Variants in CFAP299 observed in about 807,000 individuals in gnomAD.
The protein encoded by CFAP299 is cilia and flagella associated protein 299, also known as cilia- and flagella-associated protein 299.
CFAP299 carries 21 observed loss-of-function variants against 27.0 expected under a neutral mutation model. The observed-to-expected ratio is 0.78, with a 90% CI of 0.55 to 1.12. CFAP299 has a LOEUF of 1.12. CFAP299 is among the 50% of genes most tolerant of loss of function. The pLI is 0.00. For synonymous variants in CFAP299, 104 were observed against 98.1 expected, an observed-to-expected ratio of 1.06 and a Z score of -0.36; for missense variants, 310 against 276.6, an observed-to-expected ratio of 1.12 and a Z score of -0.86.
At chr4:80,897,883 G>A (rs922366186) in intron 4 of CFAP299, among the ~76,000 whole-genome samples, 6 of 152,082 alleles carry the variant, frequency 3.9e-5, no homozygotes, top group Admixed American at 1.3e-4. Context: ...ACCTCTTCAC[G>A]GGCCTCACAA....
intron 3 of CFAP299, among the ~76,000 whole-genome samples, chr4:80,799,611 AT>A (rs1728173171): frequency 2.0e-5 from 1 of 49,958 alleles, no homozygotes; most frequent in African/African-American, 8.6e-5. Context: ...TATTTTATAT[AT>A]TATATATTTA....
At chr4:80,377,428 T>C (rs900060306) in intron 2 of CFAP299, among the ~76,000 whole-genome samples, 11 of 152,188 alleles carry the variant, frequency 7.2e-5, no homozygotes, top group Non-Finnish European at 1.2e-4. Flanking sequence ...TTTGACTGTA[T>C]ATGTACCTGT....
chr4:80,611,118 T>A (rs186532557), intron 3 of CFAP299, among the ~76,000 whole-genome samples: 1 of 152,174 alleles, frequency 6.6e-6, no homozygotes. Context: ...AGCTTTCATC[T>A]CCTTTTAAAG....
intron 4 of CFAP299, among the ~76,000 whole-genome samples, chr4:80,901,411 T>A (rs1426190109): frequency 6.6e-6 from 1 of 152,160 alleles, no homozygotes; most frequent in African/African-American, 2.4e-5. Context: ...ATGCAATGGG[T>A]GTTTTTTGAA....
At chr4:80,860,214 G>A (rs1732230158) in intron 3 of CFAP299, among the ~76,000 whole-genome samples, 4 of 152,044 alleles carry the variant, frequency 2.6e-5, no homozygotes. Context: ...GGCTCCTGAG[G>A]CTTCTGCATT....
intron 4 of CFAP299, among the ~76,000 whole-genome samples, chr4:80,920,258 C>T (rs1735980089): frequency 6.6e-6 from 1 of 152,130 alleles, no homozygotes. Context: ...CCTATCTCCC[C>T]TTCATTGAAT....
chr4:80,669,334 G>T (rs77183532), intron 3 of CFAP299, among the ~76,000 whole-genome samples: 10,430 of 150,888 alleles, frequency 0.069, 803 homozygotes, highest in African/African-American at 0.18. Context: ...TGTAATTTTA[G>T]TAGAGATGGG....
At chr4:80,936,242 T>C (rs529149166) in intron 4 of CFAP299, among the ~76,000 whole-genome samples, 1 of 152,184 alleles carries the variant, frequency 6.6e-6, no homozygotes, top group African/African-American at 2.4e-5. Context: ...GATTCCTCAA[T>C]GACCTAAAAA....
intron 3 of CFAP299, among the ~76,000 whole-genome samples, chr4:80,676,160 G>A (rs58706008): frequency 0.046 from 6,939 of 152,166 alleles, 556 homozygotes; most frequent in African/African-American, 0.16. Flanking sequence ...TTCCTATTCG[G>A]CCATCTTGGA....
intron 1 of CFAP299, among the ~76,000 whole-genome samples, chr4:80,347,755 A>G (rs954362951): frequency 2.0e-5 from 3 of 152,196 alleles, no homozygotes; most frequent in Non-Finnish European, 4.4e-5. Flanking sequence ...TACCATTGAC[A>G]TTCTTCACAG....
chr4:80,716,704 C>T (rs1290674342), intron 3 of CFAP299, among the ~76,000 whole-genome samples: 2 of 152,104 alleles, frequency 1.3e-5, no homozygotes, highest in Admixed American at 6.6e-5. Context: ...CATGATAAAG[C>T]ACCTGTCTTT....
At chr4:80,517,040 G>A (rs1318498106) in intron 2 of CFAP299, among the ~76,000 whole-genome samples, 1 of 152,188 alleles carries the variant, frequency 6.6e-6, no homozygotes, top group Non-Finnish European at 1.5e-5. Context: ...TTGAATGAAT[G>A]AGTGGATTAA....
chr4:80,805,548 ATAT>A (rs1422079078), intron 3 of CFAP299, among the ~76,000 whole-genome samples: 5 of 152,164 alleles, frequency 3.3e-5, no homozygotes, highest in African/African-American at 9.7e-5. Flanking sequence ...GTACAAATAA[ATAT>A]AATAATCTTG....
chr4:80,363,567 A>C (rs1236920856), intron 2 of CFAP299, among the ~76,000 whole-genome samples: 1 of 152,160 alleles, frequency 6.6e-6, no homozygotes, highest in Non-Finnish European at 1.5e-5. Flanking sequence ...ACATCTTTAA[A>C]ATTACCCAGT....
chr4:80,568,546 T>A (rs946562909), intron 2 of CFAP299, among the ~76,000 whole-genome samples: 1 of 152,130 alleles, frequency 6.6e-6, no homozygotes. Flanking sequence ...TATGTTGTGG[T>A]GATCACATTA....
intron 2 of CFAP299, among the ~76,000 whole-genome samples, chr4:80,405,750 C>T (rs1217724590): frequency 6.6e-6 from 1 of 152,014 alleles, no homozygotes; most frequent in Non-Finnish European, 1.5e-5. Flanking sequence ...AACCGGCATA[C>T]AATTTATACA....
chr4:80,336,868 G>A (rs1302221442), intron 1 of CFAP299, among the ~76,000 whole-genome samples: 1 of 152,190 alleles, frequency 6.6e-6, no homozygotes, highest in African/African-American at 2.4e-5. Context: ...TTTGCATCCT[G>A]CCACCAGCTC....
intron 3 of CFAP299, among the ~76,000 whole-genome samples, chr4:80,833,537 A>T (rs1261360764): frequency 6.6e-6 from 1 of 152,100 alleles, no homozygotes; most frequent in African/African-American, 2.4e-5. Context: ...TAAATGAGAA[A>T]ATTTTCTACT....
At chr4:80,839,619 G>T (rs907950422) in intron 3 of CFAP299, among the ~76,000 whole-genome samples, 8 of 151,686 alleles carry the variant, frequency 5.3e-5, no homozygotes, top group African/African-American at 1.9e-4. Flanking sequence ...AGAATAAGCA[G>T]ATAGAAAATA....
Sources: gnomAD v4.1 joint callset for allele counts (sites outside exome capture counted in the v4.1 genomes callset) on GRCh38, gnomAD v4.1.1 for gene constraint, MANE v1.5 for transcripts, NCBI Gene and HGNC (gene_info 2026-07-23, HGNC 2026-07-21) for gene names.